Variants in CEP76 observed in about 807,000 individuals in gnomAD.
CEP76 encodes the protein centrosomal protein of 76 kDa.
A neutral mutation model predicts 83.3 loss-of-function variants in CEP76; 55 were observed. That is an observed-to-expected ratio of 0.66 (90% CI 0.53 to 0.83). CEP76 has a LOEUF of 0.83. CEP76 is among the 40% of genes least tolerant of loss of function. CEP76 has a pLI of 0.00. For synonymous variants in CEP76, 270 were observed against 274.5 expected (o/e 0.98, Z 0.16); for missense variants, 694 against 799.5 (o/e 0.87, Z 1.59).
At chr18:12,701,155 C>T in intron 1 of CEP76, 42 bp from the exon 2 acceptor site, 1 of 1,471,868 alleles carries the variant, frequency 6.8e-7, no homozygotes, top group Non-Finnish European at 9.4e-7. Context: ...CATCACAAAG[C>T]AGTCAAATAC....
At chr18:12,671,131 A>T (rs35495829), downstream of CEP76, 19 of 149,930 alleles carry the variant, frequency 1.3e-4, no homozygotes, top group Admixed American at 3.3e-4. Flanking sequence ...TTAGAGAAAT[A>T]GGGGGGGGTC....
At chr18:12,677,940 A>G (rs925108859) in intron 10 of CEP76, among the ~76,000 whole-genome samples, 169 bp downstream of exon 10, 10 of 152,200 alleles carry the variant, frequency 6.6e-5, no homozygotes, top group Admixed American at 6.6e-4. Flanking sequence ...TTTGAGTCTC[A>G]GAACTTGAAC....
exon 13 of CEP76, chr18:12,662,094 C>A: frequency 2.3e-6 from 1 of 426,054 alleles, no homozygotes; most frequent in Non-Finnish European, 4.6e-6. Flanking sequence ...CTGAGTCTTT[C>A]AGGGAGCACC....
At chr18:12,664,866 C>T (rs1394176307) in intron 12 of CEP76, among the ~76,000 whole-genome samples, 3 of 149,054 alleles carry the variant, frequency 2.0e-5, no homozygotes, top group African/African-American at 7.5e-5. Flanking sequence ...GCCCAGCTAA[C>T]TTTTGTATTT....
chr18:12,697,343 G>A lies in CEP76; in HGVS notation c.586C>T (p.Leu196=). The stretch of plus-strand genomic sequence containing the variant: ...TCACCAAATATGTCTGTTTTGATTA[G>A]CACCATATGAATTGGATCACTTATT... ...LSISDPIHMV[L]IKTDIFGETT... Residue 196 remains leucine (L), a synonymous_variant, in exon 5 of 12, where the codon CTA becomes TTA. Transcript: ENST00000262127. 1 of 1,613,426 alleles carries A rather than the reference G, an allele frequency of 6.2e-7. No homozygotes were observed.
In CEP76 at chr18:12,699,901, C is replaced by G. The variant is rs766559049; in HGVS notation, c.224G>C (p.Ser75Thr). The G allele has an allele frequency of 6.3e-7, 1 of 1,589,286 alleles. No individual in the cohort carries two copies. The highest frequency in any genetic ancestry group is 1.2e-5 in the South Asian group (1 of 86,594). ...VMKELNFVTD[S>T]VEQELPSSPK... ...AGAGGAAGGGAGTTCTTGCTCAACA[C>G]TGTCCTAGAAAGGCAGGAAAAAAAA... Residue 75 changes from serine to threonine, a missense_variant, in exon 3 of 12, where the codon AGT becomes ACT. Coordinates refer to ENST00000262127, the MANE Select transcript of CEP76 (RefSeq NM_024899.4).
rs116153121 is a variant in CEP76 at position 12,694,368 on chromosome 18, A to G, written c.804+886T>C. Among the ~76,000 whole-genome samples the G allele has an allele frequency of 8.1e-4, 123 of 152,324 alleles. 1 individual carries two copies. Among genetic ancestry groups the G allele is most frequent in the African/African-American group, 2.9e-3 (122 of 41,576 alleles). On this transcript the variant is annotated intron_variant, in intron 6 of 11. Coordinates refer to ENST00000262127, the MANE Select transcript of CEP76 (RefSeq NM_024899.4). ...ATGTAATCAAGGAGAACCATTCCAC[A>G]AGTGCCATCCCGGCAAGTCAGCAGA...
At chr18:12,664,395 C>G (rs918989967) in intron 12 of CEP76, among the ~76,000 whole-genome samples, 1 of 150,800 alleles carries the variant, frequency 6.6e-6, no homozygotes, top group Non-Finnish European at 1.5e-5. Flanking sequence ...AATTAAAATA[C>G]AAAAATTAGC....
In CEP76 at chr18:12,697,470, G is replaced by T. The variant is rs1382408255; in HGVS notation, c.521-62C>A. 11 of 1,100,494 alleles carry T rather than the reference G, an allele frequency of 1.0e-5. No homozygotes were observed. The African/African-American group carries it at 1.6e-4, about 16-fold the overall frequency. 68.2% of individuals were successfully genotyped at this position (1,100,494 alleles called of 1,614,324 possible). On this transcript the variant is annotated intron_variant, in intron 4 of 11. Coordinates refer to ENST00000262127, the MANE Select transcript of CEP76 (RefSeq NM_024899.4). ...CATATTCAGTTAGGCCAACATAAAA[G>T]AATACTTTTATTAAACAGTAAATAA...
At chr18:12,663,233 G>A (rs889954285) in intron 12 of CEP76, among the ~76,000 whole-genome samples, 5 of 152,138 alleles carry the variant, frequency 3.3e-5, no homozygotes, top group African/African-American at 9.7e-5. Flanking sequence ...ACAAGCAGTA[G>A]CTTACTCCTT....
intron 12 of CEP76, among the ~76,000 whole-genome samples, chr18:12,666,902 T>C (rs2038815635): frequency 6.6e-6 from 1 of 152,152 alleles, no homozygotes; most frequent in Non-Finnish European, 1.5e-5. Context: ...TTTATTAATA[T>C]ATTGACAAAA....
chr18:12,688,263 T>C (rs778078497), intron 7 of CEP76, among the ~76,000 whole-genome samples: 26 of 150,736 alleles, frequency 1.7e-4, no homozygotes, highest in Non-Finnish European at 3.4e-4. Context: ...CCTAGTGGCC[T>C]TAAAGTTCAA....
At chr18:12,663,339 C>G (rs1371498192) in intron 12 of CEP76, 3 of 152,218 alleles carry the variant, frequency 2.0e-5, no homozygotes, top group African/African-American at 7.2e-5. Context: ...GTGGCATGAT[C>G]TCAGCTCACT....
At chr18:12,702,408 G>T in intron 1 of CEP76, 78 bp downstream of exon 1, 1 of 1,125,792 alleles carries the variant, frequency 8.9e-7, no homozygotes, top group Non-Finnish European at 1.3e-6. Flanking sequence ...AGATGCCGCT[G>T]TCGGCCCGGG....
At position 12,699,101 on chromosome 18, in the gene CEP76, C is replaced by A. The variant is rs199598581; in HGVS notation, c.398G>T (p.Cys133Phe). The A allele has an allele frequency of 8.7e-6, 14 of 1,613,912 alleles. No individual in the cohort carries two copies. The highest frequency in any genetic ancestry group is 1.2e-5 in the Non-Finnish European group (14 of 1,179,992). ...QEPEPLPGQV[C>F]STFTLCLHYR... ...ATGTAAACATAAAGTAAACGTTGAA[C>A]AAACTTGTCCAGGTAAAGGCTCAGG... The change falls in exon 4 of 12, where the codon TGT becomes TTT. Residue 133 changes from cysteine (C) to phenylalanine (F), a missense_variant. Transcript: ENST00000262127.
At chr18:12,684,090 T>TC (rs1406258856) in intron 8 of CEP76, among the ~76,000 whole-genome samples, 1 of 151,626 alleles carries the variant, frequency 6.6e-6, no homozygotes, top group Non-Finnish European at 1.5e-5. Context: ...AGTGGCGCGA[T>TC]CTCAGCTCAC....
intron 7 of CEP76, 142 bp downstream of exon 7, chr18:12,691,214 GAAT>G (rs1436283611): frequency 1.7e-4 from 92 of 536,946 alleles, no homozygotes; most frequent in African/African-American, 1.4e-3. Context: ...CAGTGAAAGA[GAAT>G]ATTACAAAAT....
chr18:12,683,284 G>A (rs926194543), intron 8 of CEP76, among the ~76,000 whole-genome samples: 5 of 151,266 alleles, frequency 3.3e-5, no homozygotes, highest in East Asian at 2.0e-4. Context: ...GCTGGGAGGC[G>A]GAGGTTGCAG....
chr18:12,674,464 T>TA (rs1332546252), intron 11 of CEP76, 72 bp downstream of exon 11: 16 of 1,116,906 alleles, frequency 1.4e-5, no homozygotes, highest in Non-Finnish European at 1.8e-5. Flanking sequence ...AAAAGGAAAT[T>TA]AAAAAAACCC....
Sources: allele counts gnomAD v4.1 joint callset (sites outside exome capture counted in the v4.1 genomes callset), GRCh38; gene constraint gnomAD v4.1.1; transcripts MANE v1.5; gene names NCBI Gene and HGNC (gene_info 2026-07-23, HGNC 2026-07-21).